DAB1: variants seen among roughly 807,000 people sequenced by gnomAD.
DAB1 encodes the protein DAB adaptor protein 1, also known as disabled homolog 1.
Under a neutral mutation model 64.6 loss-of-function variants are expected in DAB1, and 15 were observed. The observed-to-expected ratio is 0.23, with a 90% CI of 0.16 to 0.36. The LOEUF (loss-of-function observed/expected upper bound fraction) is 0.36. DAB1 is among the 10% of genes least tolerant of loss of function. DAB1 has a pLI of 1.00. For synonymous variants in DAB1, 235 were observed against 251.9 expected (o/e 0.93, Z 0.64); for missense variants, 596 against 706.7 (o/e 0.84, Z 1.78).
intron 3 of DAB1, 46 bp downstream of exon 3, chr1:57,145,244 T>C: frequency 6.3e-7 from 1 of 1,586,732 alleles, no homozygotes; most frequent in Non-Finnish European, 8.6e-7. Flanking sequence ...CTTTTCCTCA[T>C]TCACATTAAA....
Position 57,973,958 on chromosome 1 carries a change from A to T in DAB1, n.388-89796T>A, listed in dbSNP as rs373793151. Among the ~76,000 whole-genome samples, 211 of 152,220 alleles carry T rather than the reference A, an allele frequency of 1.4e-3. 8 individuals carry two copies. In the South Asian group the frequency reaches 0.042, roughly 30 times the overall value. On this transcript the variant is annotated intron_variant and non_coding_transcript_variant, in intron 5 of 20. Transcript: ENST00000485760. ...AATGGCTACTCAATTTTTCCAAATA[A>T]ATCCAAACTCCTTACCATTTCATAA...
At chr1:57,545,430 C>T (rs371622566) in intron 7 of DAB1, among the ~76,000 whole-genome samples, 36 of 152,282 alleles carry the variant, frequency 2.4e-4, no homozygotes, top group African/African-American at 7.5e-4. Flanking sequence ...ACTGATTTGT[C>T]GCAGTTTTCC....
chr1:57,780,040 A>AT (rs1201383148), intron 6 of DAB1, among the ~76,000 whole-genome samples: 1 of 152,148 alleles, frequency 6.6e-6, no homozygotes, highest in Non-Finnish European at 1.5e-5. Context: ...AATTAAATGG[A>AT]TTTTGGGCTC....
intron 1 of DAB1, among the ~76,000 whole-genome samples, chr1:57,868,986 C>G (rs1654421736): frequency 6.6e-6 from 1 of 152,104 alleles, no homozygotes; most frequent in Non-Finnish European, 1.5e-5. Flanking sequence ...AAAGCTATCC[C>G]TGATCACCCA....
At chr1:57,160,389 C>G (rs891326730) in intron 2 of DAB1, among the ~76,000 whole-genome samples, 4 of 152,000 alleles carry the variant, frequency 2.6e-5, no homozygotes, top group Admixed American at 6.5e-5. Flanking sequence ...ACAGAGCTAG[C>G]AAAGGCAGGG....
At chr1:57,400,552 C>CTTT (rs60734651) in intron 1 of DAB1, among the ~76,000 whole-genome samples, 1 of 137,556 alleles carries the variant, frequency 7.3e-6, no homozygotes, top group Non-Finnish European at 1.6e-5. Flanking sequence ...CAGTATCAGT[C>CTTT]TTTTTTTTTT....
intron 5 of DAB1, among the ~76,000 whole-genome samples, chr1:57,963,736 T>C (rs1344730825): frequency 6.7e-6 from 1 of 149,564 alleles, no homozygotes; most frequent in African/African-American, 2.5e-5. Context: ...AGAGGTGCTG[T>C]AACTCTACAT....
intron 3 of DAB1, among the ~76,000 whole-genome samples, chr1:58,414,720 G>A (rs1644701586): frequency 6.6e-6 from 1 of 151,780 alleles, no homozygotes; most frequent in South Asian, 2.1e-4. Context: ...AGTCGGGGGT[G>A]AGCAGAGAAG....
intron 2 of DAB1, among the ~76,000 whole-genome samples, chr1:58,518,998 T>C (rs906814382): frequency 2.6e-5 from 4 of 152,330 alleles, no homozygotes; most frequent in Non-Finnish European, 5.9e-5. Context: ...TTCTCAAACT[T>C]GGCAGTATGG....
chr1:57,608,204 G>T (rs1645680795), intron 7 of DAB1, among the ~76,000 whole-genome samples: 1 of 151,898 alleles, frequency 6.6e-6, no homozygotes, highest in African/African-American at 2.4e-5. Context: ...ATACAAAACA[G>T]ACTATAAATA....
intron 5 of DAB1, among the ~76,000 whole-genome samples, chr1:57,954,443 A>G (rs1232080504): frequency 6.6e-6 from 1 of 152,154 alleles, no homozygotes; most frequent in East Asian, 1.9e-4. Context: ...ATGCCTAGGA[A>G]GTGGTAGGTC....
intron 5 of DAB1, among the ~76,000 whole-genome samples, chr1:58,046,274 A>C (rs1384949229): frequency 6.6e-6 from 1 of 152,232 alleles, no homozygotes; most frequent in African/African-American, 2.4e-5. Context: ...TTCCTAGTGT[A>C]TATCAAATAT....
At chr1:58,404,973 C>T (rs1046062626) in intron 3 of DAB1, among the ~76,000 whole-genome samples, 2 of 152,188 alleles carry the variant, frequency 1.3e-5, no homozygotes, top group African/African-American at 2.4e-5. Context: ...CCCTATTAGG[C>T]TTTCCAGCCA....
intron 6 of DAB1, among the ~76,000 whole-genome samples, chr1:57,743,419 C>A (rs547689187): frequency 2.6e-5 from 4 of 152,232 alleles, no homozygotes; most frequent in Non-Finnish European, 4.4e-5. Context: ...CACCTATCCC[C>A]AAACCTATAA....
intron 3 of DAB1, among the ~76,000 whole-genome samples, chr1:58,432,811 AC>A (rs562517148): frequency 5.7e-4 from 87 of 151,808 alleles, no homozygotes; most frequent in African/African-American, 2.0e-3. Context: ...ATCCCTCCCC[AC>A]TCATGGACAG....
intron 4 of DAB1, among the ~76,000 whole-genome samples, chr1:58,169,958 T>C (rs578210845): frequency 4.6e-5 from 7 of 152,276 alleles, no homozygotes; most frequent in South Asian, 2.1e-4. Context: ...GATAGGTACA[T>C]AGATGTCCTA....
intron 6 of DAB1, among the ~76,000 whole-genome samples, chr1:57,771,158 T>C (rs1649544224): frequency 6.6e-6 from 1 of 152,248 alleles, no homozygotes; most frequent in East Asian, 1.9e-4. Context: ...AATAGTTCTT[T>C]AATGAAGGAG....
At chr1:58,520,706 A>AT (rs1489486784) in intron 2 of DAB1, among the ~76,000 whole-genome samples, 1 of 152,202 alleles carries the variant, frequency 6.6e-6, no homozygotes, top group Admixed American at 6.5e-5. Context: ...GGCAAGAAGT[A>AT]TTACTAGAGA....
intron 9 of DAB1, among the ~76,000 whole-genome samples, chr1:57,030,036 C>G (rs1646919514): frequency 1.3e-5 from 2 of 152,108 alleles, no homozygotes; most frequent in Non-Finnish European, 1.5e-5. Flanking sequence ...GTGTCCCCAC[C>G]CAAATCTCAA....
Sources: gnomAD v4.1 joint callset for allele counts (sites outside exome capture counted in the v4.1 genomes callset) on GRCh38, gnomAD v4.1.1 for gene constraint, MANE v1.5 for transcripts, NCBI Gene and HGNC (gene_info 2026-07-23, HGNC 2026-07-21) for gene names.